The following LRRC20 variants were observed in gnomAD, a reference collection of about 807,000 sequenced individuals.
LRRC20 encodes leucine rich repeat containing 20.
A neutral mutation model predicts 14.4 loss-of-function variants in LRRC20; 11 were observed. The ratio of observed to expected loss-of-function variants is 0.77; its 90% CI spans 0.48 to 1.27. LRRC20 has a LOEUF of 1.27. LRRC20 is among the 50% of genes most tolerant of loss of function. The pLI is 0.00. For synonymous variants in LRRC20, 121 were observed against 107.3 expected (o/e 1.13, Z -0.79); for missense variants, 219 against 251.2 (o/e 0.87, Z 0.87).
intron 3 of LRRC20, among the ~76,000 whole-genome samples, chr10:70,328,889 G>A (rs748876169): frequency 1.2e-4 from 18 of 152,226 alleles, no homozygotes; most frequent in Admixed American, 7.8e-4. Context: ...CTGCACTCCA[G>A]CCTGGGCAAC....
Position 70,366,160 on chromosome 10 carries a change from T to C in LRRC20, c.82+10292A>G, listed in dbSNP as rs116297601. ...CAACGTCGGCCAGGAACGTGGCTCATGCCTGTAGTCCCAGCACTTTGGGAG... is the reference window on the plus strand; with the variant it reads ...CAACGTCGGCCAGGAACGTGGCTCACGCCTGTAGTCCCAGCACTTTGGGAG... On this transcript the variant is annotated intron_variant, in intron 2 of 4. Transcript: ENST00000446961. Among the ~76,000 whole-genome samples, 1,097 of 151,184 alleles carry C rather than the reference T, an allele frequency of 7.3e-3. 14 individuals are homozygous for C. Among genetic ancestry groups the C allele is most frequent in the African/African-American group, 0.025 (1,015 of 41,220 alleles).
intron 2 of LRRC20, among the ~76,000 whole-genome samples, chr10:70,360,425 C>T (rs1385074999): frequency 6.6e-6 from 1 of 151,482 alleles, no homozygotes; most frequent in South Asian, 2.1e-4. Context: ...TCTTCTTCCT[C>T]CTTCTCTTGC....
At chr10:70,307,059 G>A (rs1050930133) in intron 4 of LRRC20, among the ~76,000 whole-genome samples, 5 of 152,198 alleles carry the variant, frequency 3.3e-5, no homozygotes, top group African/African-American at 7.2e-5. Flanking sequence ...AGGAAGACAC[G>A]TCTTGAGCCT....
Position 70,381,438 on chromosome 10 carries a change from T to G in LRRC20, c.-64+1111A>C, listed in dbSNP as rs1184000950. On this transcript the variant is annotated intron_variant, in intron 1 of 4. Transcript: ENST00000446961. The stretch of plus-strand genomic sequence containing the variant: ...GGACTCAGGCTGGCTGGGGGAGGGG[T>G]GATTTTTGCTTAAACCCTGACCTGG... The G allele has an allele frequency of 2.6e-5, 4 of 151,644 alleles. No homozygotes were observed. In the East Asian group the frequency reaches 5.8e-4, roughly 22 times the overall value. 9.4% of individuals were successfully genotyped at this position (151,644 alleles called of 1,614,324 possible).
chr10:70,324,747 G>C lies in LRRC20; in HGVS notation c.233-717C>G, dbSNP rs1411983243. Among the ~76,000 whole-genome samples, 3 of 152,180 alleles carry C rather than the reference G, an allele frequency of 2.0e-5. No homozygotes were observed. The East Asian group carries it at 5.8e-4, about 29-fold the overall frequency. On this transcript the variant is annotated intron_variant, in intron 3 of 4. Transcript: ENST00000446961. ...CCCACAGGGCCCTGTGCAGGGAGGA[G>C]AGCTGGGGGGCAGGAAGCAAGGGCA... is the stretch of plus-strand genomic sequence containing the variant.
intron 2 of LRRC20, among the ~76,000 whole-genome samples, chr10:70,341,904 T>C (rs889282901): frequency 1.3e-5 from 2 of 152,192 alleles, no homozygotes; most frequent in African/African-American, 4.8e-5. Flanking sequence ...TTTCATTATA[T>C]GAAATGTCAA....
intron 3 of LRRC20, among the ~76,000 whole-genome samples, chr10:70,328,468 T>C (rs918467337): frequency 2.0e-5 from 3 of 152,132 alleles, no homozygotes; most frequent in Non-Finnish European, 4.4e-5. Context: ...AGCTAATTTC[T>C]GGATTTTTAC....
intron 2 of LRRC20, among the ~76,000 whole-genome samples, chr10:70,355,414 T>C (rs766278139): frequency 1.3e-5 from 2 of 151,972 alleles, no homozygotes; most frequent in African/African-American, 2.4e-5. Flanking sequence ...ATGCCCCTTA[T>C]AGAGAAAAGG....
rs1405394657 is a variant in LRRC20 at position 70,324,071 on chromosome 10, G to A, written c.233-41C>T. On this transcript the variant is annotated intron_variant, in intron 3 of 4. Coordinates refer to ENST00000446961, the MANE Select transcript of LRRC20 (RefSeq NM_001278212.2). ...AAGGAGAGAGAACAGGATGAGGAGG[G>A]GGCCACCCCGAGACCACAGTGACTG... The A allele has an allele frequency of 2.5e-6, 4 of 1,598,412 alleles. No homozygotes were observed. In the African/African-American group the frequency reaches 5.3e-5, roughly 21 times the overall value.
chr10:70,338,677 T>A (rs1332238110), intron 3 of LRRC20, among the ~76,000 whole-genome samples: 1 of 152,222 alleles, frequency 6.6e-6, no homozygotes, highest in Admixed American at 6.5e-5. Flanking sequence ...TTTTGTTTTT[T>A]TGAGACATAG....
At chr10:70,375,354 T>G (rs1024759988) in intron 2 of LRRC20, among the ~76,000 whole-genome samples, 12 of 152,086 alleles carry the variant, frequency 7.9e-5, no homozygotes, top group Non-Finnish European at 5.9e-5. Flanking sequence ...GCTCTACAGA[T>G]GCTGAAGGGG....
intron 1 of LRRC20, among the ~76,000 whole-genome samples, chr10:70,380,741 A>G (rs1217000926): frequency 6.6e-6 from 1 of 152,152 alleles, no homozygotes; most frequent in East Asian, 1.9e-4. Flanking sequence ...CACACCCTCA[A>G]CCCCATTCCT....
chr10:70,308,861 T>C (rs1294607624), intron 4 of LRRC20, among the ~76,000 whole-genome samples: 3 of 152,164 alleles, frequency 2.0e-5, no homozygotes, highest in Non-Finnish European at 4.4e-5. Flanking sequence ...TCTCTGGAGC[T>C]CATGTGGGTA....
At chr10:70,329,327 C>G (rs1018589847) in intron 3 of LRRC20, among the ~76,000 whole-genome samples, 43 of 152,154 alleles carry the variant, frequency 2.8e-4, no homozygotes, top group Non-Finnish European at 2.9e-4. Flanking sequence ...TCTTCTTCTT[C>G]TTGTTGTTTT....
At chr10:70,360,449 T>C (rs1052082404) in intron 2 of LRRC20, among the ~76,000 whole-genome samples, 16 of 151,808 alleles carry the variant, frequency 1.1e-4, no homozygotes, top group South Asian at 2.1e-4. Context: ...TCATTTCTTT[T>C]CTTTTGAGAC....
chr10:70,310,658 C>T (rs985078590), intron 4 of LRRC20, among the ~76,000 whole-genome samples: 2 of 152,218 alleles, frequency 1.3e-5, no homozygotes, highest in Non-Finnish European at 2.9e-5. Context: ...AATGTCTAAC[C>T]TTTTGAACTA....
chr10:70,324,079 C>A (rs3750764), intron 3 of LRRC20, 49 bp from the exon 4 acceptor site: 129,250 of 1,578,900 alleles, frequency 0.082, 5,783 homozygotes, highest in Middle Eastern at 0.14. Flanking sequence ...GGGGGCCACC[C>A]CGAGACCACA....
Position 70,356,183 on chromosome 10 carries a change from T to C in LRRC20, c.83-15481A>G, listed in dbSNP as rs147894937. On this transcript the variant is annotated intron_variant, in intron 2 of 4. Coordinates refer to ENST00000446961, the MANE Select transcript of LRRC20 (RefSeq NM_001278212.2). ...GTTACTTAACTCCAATCTCAGTTTC[T>C]TCTTCAGTAAAGTGAGGACAAGAGC... Among the ~76,000 whole-genome samples, 1,505 of 152,334 alleles carry C rather than the reference T, an allele frequency of 9.9e-3. 22 individuals carry two copies. The highest frequency in any genetic ancestry group is 0.056 in the South Asian group (271 of 4,826).
At chr10:70,356,806 G>A (rs560926942) in intron 2 of LRRC20, among the ~76,000 whole-genome samples, 7 of 145,658 alleles carry the variant, frequency 4.8e-5, no homozygotes, top group Middle Eastern at 8.7e-3. Flanking sequence ...AGCCAAGATC[G>A]CGCCACTGCA....
Sources: allele counts gnomAD v4.1 joint callset (sites outside exome capture counted in the v4.1 genomes callset), GRCh38; gene constraint gnomAD v4.1.1; transcripts MANE v1.5; gene names NCBI Gene and HGNC (gene_info 2026-07-23, HGNC 2026-07-21).